CYFIP2: variants seen among roughly 807,000 people sequenced by gnomAD.
The protein encoded by CYFIP2 is cytoplasmic FMR1 interacting protein 2.
Under a neutral mutation model 158.7 loss-of-function variants are expected in CYFIP2, and 29 were observed. The observed-to-expected ratio is 0.18, with a 90% CI of 0.14 to 0.25. The LOEUF is 0.25. Among genes scored for constraint, CYFIP2 ranks in the 10% least tolerant of loss-of-function variants. The pLI is 1.00. For missense variants in CYFIP2, 852 were observed against 1,639.5 expected (o/e 0.52, Z 8.29); for synonymous variants, 585 against 617.6 (o/e 0.95, Z 0.78).
chr5:157,389,147 C>T lies in CYFIP2; in HGVS notation c.3208-42C>T, dbSNP rs538444580. ...TGTGGTGGGAGGTGGCAGATGGGCT[C>T]TAAGATGTGGATAGAAGGTGTATGT... is the stretch of plus-strand genomic sequence containing the variant. On this transcript the variant is annotated intron_variant, in intron 28 of 30. Transcript: ENST00000620254. 5.2e-6 allele frequency: 8 copies of T among 1,548,612 alleles called. No individual in the cohort carries two copies. In the East Asian group the frequency reaches 1.6e-4, roughly 31 times the overall value.
intron 7 of CYFIP2, 182 bp downstream of exon 7, chr5:157,303,072 C>T (rs1031888100): frequency 1.4e-5 from 8 of 552,744 alleles, no homozygotes; most frequent in East Asian, 6.1e-5. Context: ...CCCAGGTGGC[C>T]GATTCACCCT....
Position 157,294,957 on chromosome 5 carries a change from G to A in CYFIP2, c.285+97G>A, listed in dbSNP as rs567614748. On this transcript the variant is annotated intron_variant, in intron 4 of 30. Coordinates refer to ENST00000620254, the MANE Select transcript of CYFIP2 (RefSeq NM_001037333.3). ...CAGAGAGCTGAGCTTTTCTTTCCAC[G>A]TGGTAGGGAGTAAAGCAGGTCCTCT... 4.3e-5 allele frequency: 40 copies of A among 937,726 alleles called. No homozygotes were observed. In the South Asian group the frequency reaches 5.0e-4, roughly 12 times the overall value. 58.1% of individuals were successfully genotyped at this position (937,726 alleles called of 1,614,324 possible).
intron 14 of CYFIP2, among the ~76,000 whole-genome samples, chr5:157,320,402 G>A (rs999487354): frequency 1.3e-5 from 2 of 152,200 alleles, no homozygotes; most frequent in Non-Finnish European, 2.9e-5. Flanking sequence ...GATGGGCTCA[G>A]AGCTGAGTTC....
chr5:157,268,541 C>T (rs1430951239), intron 1 of CYFIP2, among the ~76,000 whole-genome samples: 3 of 152,158 alleles, frequency 2.0e-5, no homozygotes, highest in East Asian at 1.9e-4. Flanking sequence ...ACGGGAAAAG[C>T]GCTCCTGGAA....
chr5:157,318,810 G>A (rs1280341872), intron 13 of CYFIP2, among the ~76,000 whole-genome samples: 1 of 152,172 alleles, frequency 6.6e-6, no homozygotes, highest in African/African-American at 2.4e-5. Context: ...TTGTGAGGTG[G>A]ACGATCTGCC....
At chr5:157,385,692 A>G (rs921827428) in intron 28 of CYFIP2, among the ~76,000 whole-genome samples, 21 of 152,080 alleles carry the variant, frequency 1.4e-4, no homozygotes, top group African/African-American at 1.2e-4. Context: ...TAATGGGATC[A>G]TAGCTGCTTT....
chr5:157,361,257 G>A lies in CYFIP2; in HGVS notation c.2909-211G>A. 1.8e-6 allele frequency: 1 copy of A among 552,550 alleles called. No homozygotes were observed. The highest frequency in any genetic ancestry group is 2.0e-5 in the South Asian group (1 of 50,178). The allele number at this position is 552,550 out of a possible 1,614,324, so 34.2% of individuals were successfully genotyped here. On this transcript the variant is annotated intron_variant, in intron 25 of 30. Transcript: ENST00000620254. The surrounding 1 kb of genome is among the most constrained non-coding windows in gnomAD (Gnocchi z 4.4). The stretch of plus-strand genomic sequence containing the variant: ...TGTGTGCATGTGTGTGCGTGTGTGT[G>A]TTCTGAAAAAGACATGAGCCAGCTA...
intron 23 of CYFIP2, among the ~76,000 whole-genome samples, chr5:157,349,001 G>A (rs1354594492): frequency 2.7e-5 from 4 of 150,488 alleles, no homozygotes; most frequent in Non-Finnish European, 4.4e-5. Context: ...GACTGGTCTC[G>A]AACTCCTGGG....
chr5:157,280,742 C>A (rs1388921517), intron 1 of CYFIP2, among the ~76,000 whole-genome samples: 1 of 151,908 alleles, frequency 6.6e-6, no homozygotes, highest in Non-Finnish European at 1.5e-5. Context: ...TGTTTCATTT[C>A]TATTCACTCT....
intron 26 of CYFIP2, chr5:157,375,824 G>C (rs1376083628): frequency 6.6e-6 from 1 of 152,158 alleles, no homozygotes; most frequent in South Asian, 2.1e-4. Flanking sequence ...TTAGTGTTAA[G>C]TGAGGTAATG....
rs775891678 is a variant in CYFIP2 at position 157,383,248 on chromosome 5, T to C, written c.3113-17T>C. The C allele has an allele frequency of 6.8e-6, 11 of 1,612,572 alleles. No homozygotes were observed. Among genetic ancestry groups the C allele is most frequent in the Non-Finnish European group, 9.3e-6 (11 of 1,179,144 alleles). ...GTTCCCTGAGTCTCATTTTCTGCTC[T>C]GCGACTCCTTTTGCAGAGGGGGAGC... is the stretch of plus-strand genomic sequence containing the variant. On this transcript the variant is annotated splice_polypyrimidine_tract_variant and intron_variant, in intron 27 of 30. Coordinates refer to ENST00000620254, the MANE Select transcript of CYFIP2 (RefSeq NM_001037333.3).
At chr5:157,365,670 C>T (rs1247671451) in intron 26 of CYFIP2, among the ~76,000 whole-genome samples, 2 of 151,634 alleles carry the variant, frequency 1.3e-5, no homozygotes, top group Non-Finnish European at 1.5e-5. Context: ...TTCTTTCATG[C>T]CCTCTTCAGT....
At chr5:157,369,431 C>T (rs1440576401) in intron 26 of CYFIP2, among the ~76,000 whole-genome samples, 2 of 152,112 alleles carry the variant, frequency 1.3e-5, no homozygotes, top group South Asian at 2.1e-4. Context: ...AGGTCATTAG[C>T]GTATCCTCAA....
In CYFIP2 at chr5:157,299,400, T is replaced by C. The variant is rs554137812; in HGVS notation, c.388-1315T>C. 1.3e-3 allele frequency among the ~76,000 whole-genome samples: 196 copies of C among 152,292 alleles called. 1 individual carries two copies. The highest frequency in any genetic ancestry group is 4.1e-3 in the African/African-American group (171 of 41,554). ...CACCTCAGGGCCTTCACACTGACCA[T>C]TGAGTTACCCCATAAGCCTCTTTTC... On this transcript the variant is annotated intron_variant, in intron 5 of 30. Transcript: ENST00000620254.
intron 9 of CYFIP2, 83 bp downstream of exon 9, chr5:157,307,948 C>A: frequency 1.3e-6 from 1 of 763,858 alleles, no homozygotes; most frequent in Non-Finnish European, 2.2e-6. Context: ...TGAAATGAGC[C>A]AGAAAACTGT....
rs145461098 is a variant in CYFIP2, at chr5:157,314,474, C to G, written c.1230+11C>G. The G allele has an allele frequency of 5.0e-6, 8 of 1,612,870 alleles. No individual in the cohort carries two copies. In the East Asian group the frequency reaches 1.8e-4, roughly 36 times the overall value. The stretch of plus-strand genomic sequence containing the variant: ...CACGTCATGGAGGTGGTAGGTGTCT[C>G]TGGGTAGAGGGCCTCACACTGACCT... On this transcript the variant is annotated intron_variant, in intron 12 of 30. Transcript: ENST00000620254.
At chr5:157,368,880 C>A (rs1392520769) in intron 26 of CYFIP2, among the ~76,000 whole-genome samples, 2 of 146,926 alleles carry the variant, frequency 1.4e-5, no homozygotes, top group Non-Finnish European at 3.0e-5. Context: ...GCAAGATGAT[C>A]CCAGAGGTTT....
chr5:157,384,795 C>A, intron 28 of CYFIP2: 1 of 301,106 alleles, frequency 3.3e-6, no homozygotes, highest in South Asian at 3.0e-5. Context: ...CAAAAATTAG[C>A]CAGGCGTGGT....
chr5:157,342,909 T>G, intron 23 of CYFIP2: 1 of 1,614,014 alleles, frequency 6.2e-7, no homozygotes, highest in Non-Finnish European at 8.5e-7. Flanking sequence ...CCACCCCCCC[T>G]CTGTAAGGCA....
Sources: gnomAD v4.1 joint callset for allele counts (sites outside exome capture counted in the v4.1 genomes callset) on GRCh38, gnomAD v4.1.1 for gene constraint, Gnocchi (gnomAD v3.1) non-coding constraint, MANE v1.5 for transcripts, NCBI Gene and HGNC (gene_info 2026-07-23, HGNC 2026-07-21) for gene names.